ITPKB: variants seen among roughly 807,000 people sequenced by gnomAD.
The protein encoded by ITPKB is IP3 3-kinase B.
ITPKB carries 13 observed loss-of-function variants against 69.4 expected under a neutral mutation model. The observed-to-expected ratio is 0.19, with a 90% confidence interval of 0.12 to 0.30. The LOEUF is 0.30. ITPKB is among the 10% of genes least tolerant of loss of function. The probability of loss-of-function intolerance (pLI) is 1.00; values close to 1 mark genes in which losing one functional copy is unlikely to be tolerated. For synonymous variants in ITPKB, 584 were observed against 513.7 expected (o/e 1.14, Z -1.85); for missense variants, 1,240 against 1,250.5 (o/e 0.99, Z 0.13).
chr1:226,735,276 ACTT>A (rs1312904140), intron 2 of ITPKB, among the ~76,000 whole-genome samples: 2 of 152,170 alleles, frequency 1.3e-5, no homozygotes, highest in African/African-American at 4.8e-5. Flanking sequence ...TACTTTTAAA[ACTT>A]GTTTTTTAAG....
chr1:226,722,624 C>T (rs988344124), intron 2 of ITPKB, among the ~76,000 whole-genome samples: 1 of 152,166 alleles, frequency 6.6e-6, no homozygotes, highest in African/African-American at 2.4e-5. Context: ...CCAGCACATT[C>T]GCCATCAGAC....
At chr1:226,697,040 A>C (rs1481541705) in intron 2 of ITPKB, among the ~76,000 whole-genome samples, 1 of 152,186 alleles carries the variant, frequency 6.6e-6, no homozygotes, top group Non-Finnish European at 1.5e-5. Context: ...TCATATCAAC[A>C]ACCACCAAAC....
chr1:226,687,949 T>C (rs566398662), intron 2 of ITPKB, among the ~76,000 whole-genome samples: 87 of 152,290 alleles, frequency 5.7e-4, no homozygotes, highest in African/African-American at 1.9e-3. Context: ...TCAAGAGTCT[T>C]TGCCAGGACC....
intron 2 of ITPKB, among the ~76,000 whole-genome samples, chr1:226,702,980 C>T (rs1656704430): frequency 6.6e-6 from 1 of 152,124 alleles, no homozygotes; most frequent in Admixed American, 6.5e-5. Flanking sequence ...GGTGTAACTG[C>T]AGGAGGTGGT....
intron 2 of ITPKB, among the ~76,000 whole-genome samples, chr1:226,712,467 C>G (rs1242351962): frequency 2.0e-5 from 3 of 152,226 alleles, no homozygotes; most frequent in Non-Finnish European, 4.4e-5. Flanking sequence ...AAAGGGCCTT[C>G]TTTACTCAAA....
At chr1:226,646,028 GTC>G (rs1487505486) in intron 4 of ITPKB, among the ~76,000 whole-genome samples, 3 of 152,168 alleles carry the variant, frequency 2.0e-5, no homozygotes, top group Non-Finnish European at 4.4e-5. Context: ...CCTGGCCTCT[GTC>G]TCTGTCTCTC....
chr1:226,710,126 C>T (rs957088952), intron 2 of ITPKB, among the ~76,000 whole-genome samples: 21 of 152,134 alleles, frequency 1.4e-4, no homozygotes, highest in African/African-American at 3.6e-4. Context: ...CAGAAGGTGC[C>T]GTGCTAACAG....
At chr1:226,702,417 G>A (rs61835603) in intron 2 of ITPKB, among the ~76,000 whole-genome samples, 2 of 151,632 alleles carry the variant, frequency 1.3e-5, no homozygotes, top group African/African-American at 4.8e-5. Flanking sequence ...AAAAAAAAGG[G>A]AAAGTTCAAC....
At position 226,738,764 on chromosome 1, in the gene ITPKB, C is replaced by T. The variant is rs1465567121; in HGVS notation, c.-206+277G>A. Among the ~76,000 whole-genome samples the T allele has an allele frequency of 3.3e-5, 5 of 152,216 alleles. No homozygotes were observed. The highest frequency in any genetic ancestry group is 7.3e-5 in the Non-Finnish European group (5 of 68,034). On this transcript the variant is annotated intron_variant, in intron 1 of 7. Transcript: ENST00000429204. The surrounding 1 kb of genome is among the most constrained non-coding windows in gnomAD (Gnocchi z 4.2). ...CGGCGCCAGCAGAGCCGCCCCGAGA[C>T]CCCAGCCTGGGGACTCCTGGAGCGC... is the stretch of plus-strand genomic sequence containing the variant.
chr1:226,734,625 G>A (rs866597275), intron 2 of ITPKB, among the ~76,000 whole-genome samples: 16 of 152,182 alleles, frequency 1.1e-4, no homozygotes, highest in African/African-American at 3.9e-4. Context: ...CAACTCCTAT[G>A]TCTTCTGTAA....
intron 2 of ITPKB, among the ~76,000 whole-genome samples, chr1:226,654,309 G>A (rs1451464390): frequency 1.3e-5 from 2 of 152,164 alleles, no homozygotes; most frequent in Admixed American, 1.3e-4. Flanking sequence ...TTGAGGAGCC[G>A]GCAGACAGCA....
chr1:226,634,568 G>T lies in ITPKB; in HGVS notation c.*103C>A. On this transcript the variant is annotated 3_prime_UTR_variant, in exon 8 of 8. Coordinates refer to ENST00000429204, the MANE Select transcript of ITPKB (RefSeq NM_002221.4). This position sits in a 1 kb window ranked among gnomAD's most constrained non-coding sequence, Gnocchi z 6.3. ...ACAAAGTGTCTTGTAGTGCAGTTCA[G>T]GAGGGTCAGTCAGGTGTAAGTGAAG... 1.5e-6 allele frequency: 1 copy of T among 652,270 alleles called. No individual in the cohort carries two copies. The allele number at this position is 652,270 out of a possible 1,614,324, so 40.4% of individuals were successfully genotyped here. A position where few individuals can be genotyped will look rare whatever the true frequency, so the allele number is the denominator to read the frequency against.
chr1:226,737,562 C>G lies in ITPKB; in HGVS notation c.-104G>C, dbSNP rs1303024944. The G allele has an allele frequency of 4.9e-6, 6 of 1,217,326 alleles. No individual in the cohort carries two copies. The highest frequency in any genetic ancestry group is 6.1e-6 in the Non-Finnish European group (6 of 980,588). The allele number at this position is 1,217,326 out of a possible 1,614,324, so 75.4% of individuals were successfully genotyped here. A position where few individuals can be genotyped will look rare whatever the true frequency, so the allele number is the denominator to read the frequency against. The stretch of plus-strand genomic sequence containing the variant: ...CGGCTCAGCCCCGGAGGCCCGGCAG[C>G]CGCGGCTCCGCGCGCAGATGGGGCG... On this transcript the variant is annotated 5_prime_UTR_variant, in exon 2 of 8. Coordinates refer to ENST00000429204, the MANE Select transcript of ITPKB (RefSeq NM_002221.4).
chr1:226,640,360 G>A lies in ITPKB; in HGVS notation c.2452-702C>T, dbSNP rs544423477. Among the ~76,000 whole-genome samples the A allele has an allele frequency of 1.6e-4, 24 of 152,334 alleles. No individual in the cohort carries two copies. In the South Asian group the frequency reaches 4.1e-3, roughly 26 times the overall value. ...CCACCAGGAGTCCCAACAGTGGGCCGTGTCTGCCCTCAGGCTGGAGAGTAC... is the reference window on the plus strand; with the variant it reads ...CCACCAGGAGTCCCAACAGTGGGCCATGTCTGCCCTCAGGCTGGAGAGTAC... On this transcript the variant is annotated intron_variant, in intron 5 of 7. Coordinates refer to ENST00000429204, the MANE Select transcript of ITPKB (RefSeq NM_002221.4).
At chr1:226,663,311 G>A (rs1669436161) in intron 2 of ITPKB, among the ~76,000 whole-genome samples, 2 of 152,122 alleles carry the variant, frequency 1.3e-5, no homozygotes, top group African/African-American at 2.4e-5. Context: ...TATTACCAGA[G>A]CAGCAAACAG....
At chr1:226,678,377 G>C (rs892330851) in intron 2 of ITPKB, among the ~76,000 whole-genome samples, 2 of 152,220 alleles carry the variant, frequency 1.3e-5, no homozygotes, top group Non-Finnish European at 2.9e-5. Context: ...TAAAGGGGGA[G>C]GAAAATCAAA....
intron 4 of ITPKB, among the ~76,000 whole-genome samples, chr1:226,643,041 C>T (rs2102741931): frequency 6.6e-6 from 1 of 152,320 alleles, no homozygotes; most frequent in South Asian, 2.1e-4. Context: ...CCATCGACAC[C>T]AGGCCTCCTC....
At chr1:226,688,441 AC>A (rs1656267392) in intron 2 of ITPKB, among the ~76,000 whole-genome samples, 1 of 151,878 alleles carries the variant, frequency 6.6e-6, no homozygotes, top group Admixed American at 6.6e-5. Context: ...GCCAAGAGTC[AC>A]CCCCACTCTG....
intron 2 of ITPKB, chr1:226,707,844 T>G: frequency 8.0e-7 from 1 of 1,250,626 alleles, no homozygotes; most frequent in Non-Finnish European, 1.0e-6. Flanking sequence ...AGATGAAATA[T>G]GCTATACATC....
Sources: gnomAD v4.1 joint callset for allele counts (sites outside exome capture counted in the v4.1 genomes callset) on GRCh38, gnomAD v4.1.1 for gene constraint, Gnocchi (gnomAD v3.1) non-coding constraint, MANE v1.5 for transcripts, NCBI Gene and HGNC (gene_info 2026-07-23, HGNC 2026-07-21) for gene names.